CRIM1: variants seen among roughly 807,000 people sequenced by gnomAD.
CRIM1 encodes the protein cysteine rich transmembrane BMP regulator 1, also known as cysteine-rich motor neuron 1 protein.
In CRIM1, 32 loss-of-function variants were observed where a neutral mutation model predicts 116.4. That is an observed-to-expected ratio of 0.27 (90% confidence interval 0.21 to 0.37). CRIM1 has a LOEUF of 0.37. CRIM1 is among the 10% of genes least tolerant of loss of function. CRIM1 has a pLI of 1.00. For synonymous variants in CRIM1, 590 were observed against 509.2 expected, an observed-to-expected ratio of 1.16 and a Z score of -2.13; for missense variants, 1,331 against 1,354.8, an observed-to-expected ratio of 0.98 and a Z score of 0.28.
intron 2 of CRIM1, among the ~76,000 whole-genome samples, chr2:36,404,841 A>G (rs1331412726): frequency 6.6e-6 from 1 of 152,178 alleles, no homozygotes; most frequent in East Asian, 1.9e-4. Context: ...CATTAACTTA[A>G]TTATCCTGTA....
At chr2:36,376,747 G>A (rs1014815064) in intron 1 of CRIM1, among the ~76,000 whole-genome samples, 3 of 152,198 alleles carry the variant, frequency 2.0e-5, no homozygotes, top group Non-Finnish European at 4.4e-5. Flanking sequence ...ACCAACCACA[G>A]CATTTCTTTT....
At chr2:36,509,209 T>C (rs1465437127) in intron 8 of CRIM1, among the ~76,000 whole-genome samples, 2 of 152,144 alleles carry the variant, frequency 1.3e-5, no homozygotes, top group East Asian at 1.9e-4. Context: ...GTAGTTGTCA[T>C]GTGGATATTT....
At chr2:36,368,684 A>G (rs1669754849) in intron 1 of CRIM1, among the ~76,000 whole-genome samples, 1 of 152,194 alleles carries the variant, frequency 6.6e-6, no homozygotes, top group South Asian at 2.1e-4. Context: ...TCCATTTGGG[A>G]GTATGTCATA....
intron 2 of CRIM1, among the ~76,000 whole-genome samples, chr2:36,433,457 T>C (rs925903291): frequency 1.3e-5 from 2 of 152,240 alleles, no homozygotes; most frequent in Admixed American, 1.3e-4. Context: ...CTTGGCCAGC[T>C]GTGGCTTGCC....
At chr2:36,372,820 A>T (rs1295933987) in intron 1 of CRIM1, among the ~76,000 whole-genome samples, 3 of 152,180 alleles carry the variant, frequency 2.0e-5, no homozygotes, top group African/African-American at 7.2e-5. Flanking sequence ...CAAAAGTTTT[A>T]GGAAAGGGAA....
At chr2:36,436,068 G>C (rs1469263051) in intron 2 of CRIM1, among the ~76,000 whole-genome samples, 4 of 151,804 alleles carry the variant, frequency 2.6e-5, no homozygotes, top group African/African-American at 9.7e-5. Context: ...AAATTCAGAA[G>C]TAATGTCAGA....
chr2:36,448,025 G>T (rs1206954118), intron 4 of CRIM1, among the ~76,000 whole-genome samples: 3 of 152,146 alleles, frequency 2.0e-5, no homozygotes, highest in African/African-American at 7.2e-5. Flanking sequence ...AAGAGCCTCT[G>T]AGCCACCGCT....
chr2:36,431,251 A>G (rs776403853), intron 2 of CRIM1, among the ~76,000 whole-genome samples: 128 of 152,208 alleles, frequency 8.4e-4, no homozygotes, highest in Non-Finnish European at 1.5e-3. Context: ...GTATATGTAT[A>G]TACACATATA....
At chr2:36,432,562 C>G (rs1674978794) in intron 2 of CRIM1, among the ~76,000 whole-genome samples, 1 of 152,160 alleles carries the variant, frequency 6.6e-6, no homozygotes, top group Non-Finnish European at 1.5e-5. Flanking sequence ...TCCTTCCACC[C>G]CACTACCTCC....
intron 7 of CRIM1, among the ~76,000 whole-genome samples, chr2:36,491,278 A>T (rs1453812606): frequency 6.6e-6 from 1 of 152,174 alleles, no homozygotes; most frequent in East Asian, 1.9e-4. Context: ...AACCCATCTC[A>T]GGAAACCGAG....
intron 1 of CRIM1, among the ~76,000 whole-genome samples, chr2:36,387,994 T>A (rs1671298586): frequency 6.6e-6 from 1 of 152,140 alleles, no homozygotes; most frequent in Admixed American, 6.5e-5. Context: ...CCTGTGAAAT[T>A]TCCCTTTAAA....
chr2:36,435,719 C>T (rs1460137999), intron 2 of CRIM1, among the ~76,000 whole-genome samples: 2 of 151,940 alleles, frequency 1.3e-5, no homozygotes, highest in Non-Finnish European at 2.9e-5. Flanking sequence ...TAAAAATGGC[C>T]AAGATCCAGT....
At position 36,512,360 on chromosome 2, in the gene CRIM1, G is replaced by C. The variant is rs1223775594; in HGVS notation, c.1746G>C (p.Gln582His). Residue 582 changes from glutamine to histidine, a missense_variant, in exon 10 of 17, where the codon CAG (glutamine) becomes CAC (histidine). By Grantham distance (24) the Gln-to-His change is conservative (BLOSUM62 0). Transcript: ENST00000280527. Reference protein sequence around the residue: ...CSKICPLGFQQDSHGCLICKC... With the variant: ...CSKICPLGFQHDSHGCLICKC... ...AGATCTGCCCCTTGGGTTTCCAGCA[G>C]GACAGTCACGGCTGTCTTATCTGCA... The C allele has an allele frequency of 1.2e-6, 2 of 1,613,694 alleles. No individual in the cohort carries two copies. The highest frequency in any genetic ancestry group is 1.6e-4 in the Middle Eastern group (1 of 6,062).
chr2:36,547,056 T>C lies in CRIM1; in HGVS notation c.2819T>C (p.Ile940Thr), dbSNP rs151259269. ...AGTGAAGATTCTTCACTGGACTCCA[T>C]TGCCTCAGTTGTGGTTCCCATAATT... ...HPSEDSSLDS[I>T]ASVVVPIIIC... Residue 940 changes from isoleucine (I) to threonine (T), a missense_variant, in exon 16 of 17, where the codon ATT becomes ACT. Physicochemically the swap from Ile to Thr is moderately conservative, Grantham distance 89. Around this residue, in one of 3 missense-constraint regions of CRIM1, gnomAD observed 283 missense variants for 242.8 expected, o/e 1.17. Transcript: ENST00000280527. The C allele has an allele frequency of 7.9e-5, 128 of 1,612,172 alleles. 1 individual carries two copies. In the South Asian group the frequency reaches 8.0e-4, roughly 10 times the overall value.
chr2:36,542,844 C>T (rs940394452), intron 14 of CRIM1, among the ~76,000 whole-genome samples: 1 of 152,176 alleles, frequency 6.6e-6, no homozygotes, highest in Admixed American at 6.5e-5. Flanking sequence ...CCCCTGCACA[C>T]ACCTCCCGGA....
intron 7 of CRIM1, among the ~76,000 whole-genome samples, chr2:36,484,870 G>C (rs17018901): frequency 0.25 from 37,730 of 152,074 alleles, 4,871 homozygotes; most frequent in South Asian, 0.4. Context: ...CCGTGCTAGC[G>C]GTTGGGCAAA....
In CRIM1 at chr2:36,522,073, T is replaced by A. The variant is rs369332749; in HGVS notation, c.2207-19T>A. The A allele has an allele frequency of 2.5e-6, 4 of 1,608,052 alleles. No individual in the cohort carries two copies. The highest frequency in any genetic ancestry group is 3.4e-6 in the Non-Finnish European group (4 of 1,174,720). On this transcript the variant is annotated intron_variant, in intron 12 of 16. Transcript: ENST00000280527. ...GCCAACAGCATCTTCTTTGCTGACCTATATGTTCATTTTTCCAGATCAACC... is the reference window on the plus strand; with the variant it reads ...GCCAACAGCATCTTCTTTGCTGACCAATATGTTCATTTTTCCAGATCAACC...
intron 14 of CRIM1, among the ~76,000 whole-genome samples, chr2:36,540,994 TCTC>T (rs1345614467): frequency 1.3e-5 from 2 of 152,222 alleles, no homozygotes; most frequent in Non-Finnish European, 2.9e-5. Context: ...TTCTGTTAAC[TCTC>T]CTTTCTGCAT....
At position 36,549,104 on chromosome 2, in the gene CRIM1, T is replaced by C. The variant is rs1244256078; in HGVS notation, c.*403T>C. 6.5e-6 allele frequency: 1 copy of C among 154,640 alleles called. No individual in the cohort carries two copies. The highest frequency in any genetic ancestry group is 6.4e-5 in the Admixed American group (1 of 15,524). 9.6% of individuals were successfully genotyped at this position (154,640 alleles called of 1,614,324 possible). A position where few individuals can be genotyped will look rare whatever the true frequency, so the allele number is the denominator to read the frequency against. On this transcript the variant is annotated 3_prime_UTR_variant, in exon 17 of 17. Transcript: ENST00000280527. ...AGTTCAGTGGCCCAGAGGTTATTTT[T>C]TTCCTATTGCTCTGAAGACTGCACT... is the stretch of plus-strand genomic sequence containing the variant.
Sources: allele counts gnomAD v4.1 joint callset (sites outside exome capture counted in the v4.1 genomes callset), GRCh38; gene constraint gnomAD v4.1.1; regional missense constraint gnomAD v4.1.1; transcripts MANE v1.5; gene names NCBI Gene and HGNC (gene_info 2026-07-23, HGNC 2026-07-21).